Variants in AK5 observed in about 807,000 individuals in gnomAD.
AK5 encodes the protein adenylate kinase isoenzyme 5.
AK5 carries 27 observed loss-of-function variants against 69.5 expected under a neutral mutation model. That is an observed-to-expected ratio of 0.39 (90% CI 0.29 to 0.54). The LOEUF (loss-of-function observed/expected upper bound fraction) is 0.54, where lower values mean the gene tolerates loss of function less well. AK5 is among the 20% of genes least tolerant of loss of function. The probability of loss-of-function intolerance (pLI) is 0.71; values close to 1 mark genes in which losing one functional copy is unlikely to be tolerated. For synonymous variants in AK5, 260 were observed against 244.4 expected, an observed-to-expected ratio of 1.06 and a Z score of -0.60; for missense variants, 531 against 700.4, an observed-to-expected ratio of 0.76 and a Z score of 2.73.
chr1:77,289,830 T>C (rs1192721509), intron 2 of AK5, among the ~76,000 whole-genome samples: 1 of 117,034 alleles, frequency 8.5e-6, no homozygotes, highest in Non-Finnish European at 1.6e-5. Flanking sequence ...GCCAGTGCAC[T>C]CCAGCCTGGG....
chr1:77,470,229 G>A (rs1654377976), intron 8 of AK5, among the ~76,000 whole-genome samples: 1 of 152,198 alleles, frequency 6.6e-6, no homozygotes. Context: ...CCCTGGCCGG[G>A]CGCAGTGGCT....
intron 8 of AK5, among the ~76,000 whole-genome samples, chr1:77,443,742 G>A (rs1652485499): frequency 1.4e-5 from 2 of 147,254 alleles, no homozygotes; most frequent in South Asian, 4.3e-4. Flanking sequence ...AATTTCCATA[G>A]TGATATTGAG....
At chr1:77,402,564 C>T (rs1420558567) in intron 6 of AK5, among the ~76,000 whole-genome samples, 34 of 151,344 alleles carry the variant, frequency 2.2e-4, no homozygotes, top group African/African-American at 4.1e-4. Flanking sequence ...TCTGTCCTTG[C>T]GATAGTTTGC....
intron 8 of AK5, among the ~76,000 whole-genome samples, chr1:77,471,811 A>G (rs1654527206): frequency 6.6e-6 from 1 of 152,218 alleles, no homozygotes; most frequent in South Asian, 2.1e-4. Flanking sequence ...TCCTTCCTGA[A>G]AACTGTTAAG....
intron 5 of AK5, among the ~76,000 whole-genome samples, chr1:77,315,752 G>A (rs1557489575): frequency 1.3e-5 from 2 of 152,122 alleles, no homozygotes; most frequent in Non-Finnish European, 1.5e-5. Flanking sequence ...AAAGACTGGT[G>A]AAGCTTAATT....
intron 10 of AK5, among the ~76,000 whole-genome samples, chr1:77,499,342 C>T (rs1036694061): frequency 6.6e-6 from 1 of 152,056 alleles, no homozygotes; most frequent in Non-Finnish European, 1.5e-5. Flanking sequence ...CATGTTACTG[C>T]GACTCAGGTG....
At chr1:77,290,988 G>A (rs972995633) in intron 2 of AK5, among the ~76,000 whole-genome samples, 1 of 152,120 alleles carries the variant, frequency 6.6e-6, no homozygotes, top group African/African-American at 2.4e-5. Flanking sequence ...CCTAGCTTGG[G>A]GTTCAGGGTC....
At chr1:77,407,080 TAAA>T (rs61188538) in intron 6 of AK5, among the ~76,000 whole-genome samples, 2,041 of 146,656 alleles carry the variant, frequency 0.014, 18 homozygotes, top group East Asian at 0.021. Context: ...CATAATGAGG[TAAA>T]AAAAAAAAAA....
At chr1:77,531,956 C>G (rs937087323) in intron 12 of AK5, among the ~76,000 whole-genome samples, 6 of 150,742 alleles carry the variant, frequency 4.0e-5, no homozygotes, top group African/African-American at 1.5e-4. Context: ...CAGCTGCTGG[C>G]CCAGGTGCTA....
chr1:77,440,219 C>A (rs1353236877), intron 8 of AK5, among the ~76,000 whole-genome samples: 1 of 152,122 alleles, frequency 6.6e-6, no homozygotes, highest in Non-Finnish European at 1.5e-5. Context: ...TTTATTTCTC[C>A]CTCATTTCTG....
At chr1:77,472,151 T>C (rs1359662281) in intron 8 of AK5, among the ~76,000 whole-genome samples, 1 of 152,222 alleles carries the variant, frequency 6.6e-6, no homozygotes, top group Non-Finnish European at 1.5e-5. Context: ...GCTAAAATTG[T>C]CATAAACAAT....
At chr1:77,467,029 T>C (rs1327104724) in intron 8 of AK5, among the ~76,000 whole-genome samples, 1 of 152,172 alleles carries the variant, frequency 6.6e-6, no homozygotes, top group Non-Finnish European at 1.5e-5. Flanking sequence ...GAAAATACAA[T>C]AGCTTCTATG....
chr1:77,329,532 A>C (rs551839320), intron 5 of AK5, among the ~76,000 whole-genome samples: 195 of 152,290 alleles, frequency 1.3e-3, no homozygotes, highest in Non-Finnish European at 2.4e-3. Context: ...AGTAGCTGGA[A>C]TTACAGGTGT....
chr1:77,428,493 C>A (rs1170628343), intron 8 of AK5, among the ~76,000 whole-genome samples: 1 of 152,156 alleles, frequency 6.6e-6, no homozygotes, highest in African/African-American at 2.4e-5. Flanking sequence ...ATAGCCCAGG[C>A]CTTCCACTCC....
chr1:77,467,825 C>T (rs1269589827), intron 8 of AK5, among the ~76,000 whole-genome samples: 1 of 152,204 alleles, frequency 6.6e-6, no homozygotes, highest in Admixed American at 6.5e-5. Flanking sequence ...AGGACCAGCC[C>T]TGTCCTCTCT....
intron 6 of AK5, among the ~76,000 whole-genome samples, chr1:77,378,353 G>A (rs772226274): frequency 4.6e-5 from 7 of 151,806 alleles, no homozygotes; most frequent in Admixed American, 1.3e-4. Context: ...ATGGAGTTTC[G>A]CTTTTGTTGC....
At chr1:77,515,247 G>GATAGA (rs1303905783) in intron 10 of AK5, among the ~76,000 whole-genome samples, 1 of 152,180 alleles carries the variant, frequency 6.6e-6, no homozygotes, top group African/African-American at 2.4e-5. Context: ...ATGAGCAGAA[G>GATAGA]ATAGAAAACT....
At chr1:77,321,425 C>T (rs1284908865) in intron 5 of AK5, among the ~76,000 whole-genome samples, 3 of 151,848 alleles carry the variant, frequency 2.0e-5, no homozygotes, top group Non-Finnish European at 2.9e-5. Flanking sequence ...GCTGAGGTCT[C>T]GCCACTGCAC....
At chr1:77,449,233 A>G (rs923932155) in intron 8 of AK5, among the ~76,000 whole-genome samples, 1 of 152,228 alleles carries the variant, frequency 6.6e-6, no homozygotes, top group Non-Finnish European at 1.5e-5. Context: ...AGAGGGGGGT[A>G]TACCCTGCAA....
Sources: gnomAD v4.1 joint callset for allele counts (sites outside exome capture counted in the v4.1 genomes callset) on GRCh38, gnomAD v4.1.1 for gene constraint, MANE v1.5 for transcripts, NCBI Gene and HGNC (gene_info 2026-07-23, HGNC 2026-07-21) for gene names.